Variants in ANKRD28 observed in about 807,000 individuals in gnomAD.
The protein encoded by ANKRD28 is serine/threonine-protein phosphatase 6 regulatory ankyrin repeat subunit A.
In ANKRD28, 44 loss-of-function variants were observed where a neutral mutation model predicts 126.5. That is an observed-to-expected ratio of 0.35 (90% confidence interval 0.27 to 0.45). ANKRD28 has a LOEUF of 0.45. Ranked by LOEUF, ANKRD28 falls within the 20% of genes least tolerant of loss-of-function variation. The pLI is 1.00. For missense variants in ANKRD28, 1,110 were observed against 1,316.6 expected (o/e 0.84, Z 2.43); for synonymous variants, 442 against 468.5 (o/e 0.94, Z 0.73).
chr3:15,761,629 T>C (rs1216335812), intron 3 of ANKRD28, among the ~76,000 whole-genome samples: 1 of 152,208 alleles, frequency 6.6e-6, no homozygotes, highest in Non-Finnish European at 1.5e-5. Context: ...TCTTCTGATA[T>C]TTATTCTGAA....
At chr3:15,824,537 G>C (rs1033707789) in intron 1 of ANKRD28, among the ~76,000 whole-genome samples, 1 of 152,166 alleles carries the variant, frequency 6.6e-6, no homozygotes, top group Non-Finnish European at 1.5e-5. Flanking sequence ...CACAAAATCT[G>C]TTGCTTTTCT....
At chr3:15,811,732 T>G (rs540375176) in intron 1 of ANKRD28, among the ~76,000 whole-genome samples, 2 of 152,014 alleles carry the variant, frequency 1.3e-5, no homozygotes, top group Non-Finnish European at 2.9e-5. Context: ...GGATTACAGG[T>G]GTGAGCCACT....
intron 1 of ANKRD28, among the ~76,000 whole-genome samples, chr3:15,851,613 C>T (rs1292654830): frequency 2.0e-5 from 3 of 151,818 alleles, no homozygotes; most frequent in African/African-American, 7.3e-5. Context: ...TTCAGACACA[C>T]TAGGATGGCT....
Position 15,695,215 on chromosome 3 carries a change from C to A in ANKRD28, c.1660-1G>T. ...CATCTAGAGGAGTTTCACTTGCAAT[C>A]TGAAATAAAAGTCAAAACAAAAATA... On this transcript the variant is annotated splice_acceptor_variant, in intron 15 of 27. Transcript: ENST00000683139. LOFTEE classifies it high-confidence loss of function. 8 of 1,583,666 alleles carry A rather than the reference C, an allele frequency of 5.1e-6. No individual in the cohort carries two copies. Among genetic ancestry groups the A allele is most frequent in the Non-Finnish European group, 6.9e-6 (8 of 1,161,608 alleles).
At chr3:15,844,480 C>T (rs1324911015) in intron 1 of ANKRD28, among the ~76,000 whole-genome samples, 1 of 151,054 alleles carries the variant, frequency 6.6e-6, no homozygotes, top group Non-Finnish European at 1.5e-5. Context: ...AATTTCAAAA[C>T]TAAGGCTCCA....
chr3:15,852,294 T>G (rs186546239), intron 1 of ANKRD28, among the ~76,000 whole-genome samples: 3 of 152,340 alleles, frequency 2.0e-5, no homozygotes, highest in African/African-American at 7.2e-5. Flanking sequence ...AATTTATGCT[T>G]CCTTATTATA....
At chr3:15,859,015 G>T (rs1312728306) in intron 1 of ANKRD28, among the ~76,000 whole-genome samples, 2 of 152,236 alleles carry the variant, frequency 1.3e-5, no homozygotes, top group Non-Finnish European at 2.9e-5. Context: ...ACGGCCGCCA[G>T]TACCGCTCCC....
chr3:15,829,534 G>A (rs1361964212), intron 1 of ANKRD28, among the ~76,000 whole-genome samples: 1 of 152,110 alleles, frequency 6.6e-6, no homozygotes, highest in East Asian at 1.9e-4. Context: ...ACTGAACTTT[G>A]AATGGATCTT....
At chr3:15,680,202 G>A (rs1429533035) in intron 21 of ANKRD28, among the ~76,000 whole-genome samples, 1 of 151,916 alleles carries the variant, frequency 6.6e-6, no homozygotes, top group Non-Finnish European at 1.5e-5. Flanking sequence ...TAGCATATAT[G>A]AAATATTATT....
At chr3:15,788,486 AC>A (rs1448784531) in intron 2 of ANKRD28, among the ~76,000 whole-genome samples, 2 of 152,156 alleles carry the variant, frequency 1.3e-5, no homozygotes, top group African/African-American at 4.8e-5. Context: ...AGAAATGTTA[AC>A]CTGTCAATTT....
chr3:15,720,730 C>T (rs1215150806), intron 8 of ANKRD28, among the ~76,000 whole-genome samples, 185 bp downstream of exon 8: 4 of 152,018 alleles, frequency 2.6e-5, no homozygotes, highest in Non-Finnish European at 5.9e-5. Flanking sequence ...GGTTCTAGAA[C>T]CTTACATAAA....
chr3:15,747,966 C>T (rs2057593045), intron 4 of ANKRD28, among the ~76,000 whole-genome samples: 1 of 152,130 alleles, frequency 6.6e-6, no homozygotes, highest in Admixed American at 6.5e-5. Flanking sequence ...TTTTTCCTAA[C>T]TGCTGTTGCT....
intron 2 of ANKRD28, among the ~76,000 whole-genome samples, chr3:15,768,792 T>C (rs1559500671): frequency 6.6e-6 from 1 of 152,202 alleles, no homozygotes; most frequent in Non-Finnish European, 1.5e-5. Flanking sequence ...GGGAGGTTGA[T>C]ATAGTGCCAA....
chr3:15,797,434 A>T lies in ANKRD28; in HGVS notation c.-913T>A. ...TCAGGCAGTTGTCTGTGGCTGCTCC[A>T]GCAAAAGGGCACAGGCACCAGGCAG... On this transcript the variant is annotated 5_prime_UTR_variant, in exon 1 of 28. Transcript: ENST00000683139. 1 of 985,446 alleles carries T rather than the reference A, an allele frequency of 1.0e-6. No individual in the cohort carries two copies. Among genetic ancestry groups the T allele is most frequent in the Non-Finnish European group, 1.2e-6 (1 of 829,972 alleles). 61.0% of individuals were successfully genotyped at this position (985,446 alleles called of 1,614,324 possible).
At chr3:15,738,147 T>G (rs2075161036) in intron 4 of ANKRD28, among the ~76,000 whole-genome samples, 2 of 152,198 alleles carry the variant, frequency 1.3e-5, no homozygotes, top group African/African-American at 4.8e-5. Context: ...ATAATCCTAA[T>G]TTTTGGTAAA....
intron 14 of ANKRD28, 34 bp from the exon 15 acceptor site, chr3:15,696,279 T>C (rs773910167): frequency 7.4e-7 from 1 of 1,358,596 alleles, no homozygotes; most frequent in Non-Finnish European, 1.0e-6. Flanking sequence ...CTGAAAATCC[T>C]AAATCCTGCA....
intron 2 of ANKRD28, among the ~76,000 whole-genome samples, chr3:15,789,423 T>C (rs1329125633): frequency 1.3e-5 from 2 of 150,778 alleles, no homozygotes; most frequent in Non-Finnish European, 3.0e-5. Flanking sequence ...CGAAGAGAGG[T>C]TTTCTCCTTT....
In ANKRD28 at chr3:15,846,652, C is replaced by T. The variant is rs911822350; in HGVS notation, c.27+12725G>A. On this transcript the variant is annotated intron_variant, in intron 1 of 27. Coordinates refer to the ANKRD28 transcript ENST00000399451. This position sits in a 1 kb window ranked among gnomAD's most constrained non-coding sequence, Gnocchi z 5.4. ...AGTGGATGCTGTAATGGATAAATCC[C>T]AAATTATCACATAACAGAATAGGTT... Among the ~76,000 whole-genome samples, 1 of 152,170 alleles carries T rather than the reference C, an allele frequency of 6.6e-6. No individual in the cohort carries two copies. Among genetic ancestry groups the T allele is most frequent in the Non-Finnish European group, 1.5e-5 (1 of 68,024 alleles).
chr3:15,725,738 T>G (rs2074108970), intron 6 of ANKRD28, among the ~76,000 whole-genome samples: 1 of 152,170 alleles, frequency 6.6e-6, no homozygotes, highest in Admixed American at 6.5e-5. Flanking sequence ...CATCACAAAC[T>G]GCACTCATAT....
Sources: allele counts gnomAD v4.1 joint callset (sites outside exome capture counted in the v4.1 genomes callset), GRCh38; gene constraint gnomAD v4.1.1; non-coding constraint Gnocchi (gnomAD v3.1); transcripts MANE v1.5; gene names NCBI Gene and HGNC (gene_info 2026-07-23, HGNC 2026-07-21).